The following DLGAP2 variants were observed in gnomAD, a reference collection of about 807,000 sequenced individuals.
The protein encoded by DLGAP2 is disks large-associated protein 2.
Under a neutral mutation model 100.3 loss-of-function variants are expected in DLGAP2, and 26 were observed. The observed-to-expected ratio is 0.26, with a 90% CI of 0.19 to 0.36. The LOEUF (loss-of-function observed/expected upper bound fraction) is 0.36, where lower values mean the gene tolerates loss of function less well. DLGAP2 is among the 10% of genes least tolerant of loss of function. The pLI is 1.00. For synonymous variants in DLGAP2, 886 were observed against 630.1 expected (o/e 1.41, Z -6.08); for missense variants, 1,858 against 1,453.2 (o/e 1.28, Z -4.53).
intron 3 of DLGAP2, among the ~76,000 whole-genome samples, chr8:1,407,376 G>C (rs569949307): frequency 6.0e-5 from 6 of 99,420 alleles, no homozygotes; most frequent in Admixed American, 2.0e-4. Flanking sequence ...CTCCCTCCTT[G>C]TCCTCCGGAG....
chr8:834,279 G>A (rs751052538), intron 1 of DLGAP2, among the ~76,000 whole-genome samples: 1 of 152,210 alleles, frequency 6.6e-6, no homozygotes, highest in Non-Finnish European at 1.5e-5. Flanking sequence ...GGCAGAGCCA[G>A]TCCTGTATGC....
chr8:1,539,198 T>C (rs945057747), intron 4 of DLGAP2, among the ~76,000 whole-genome samples: 1 of 152,158 alleles, frequency 6.6e-6, no homozygotes, highest in Non-Finnish European at 1.5e-5. Context: ...TCACTCATCT[T>C]TTTTCGTTTG....
intron 3 of DLGAP2, among the ~76,000 whole-genome samples, chr8:1,493,299 G>T (rs938654748): frequency 2.0e-5 from 3 of 152,064 alleles, no homozygotes; most frequent in South Asian, 2.1e-4. Flanking sequence ...GGAGGGCACA[G>T]ACGGCTGCCT....
intron 1 of DLGAP2, among the ~76,000 whole-genome samples, chr8:836,095 G>A (rs569328426): frequency 1.3e-5 from 2 of 152,190 alleles, no homozygotes; most frequent in African/African-American, 4.8e-5. Flanking sequence ...CACAGCGGCG[G>A]CGCAACAGCT....
chr8:824,523 G>C (rs1016696084), intron 1 of DLGAP2, among the ~76,000 whole-genome samples: 1 of 152,136 alleles, frequency 6.6e-6, no homozygotes, highest in Non-Finnish European at 1.5e-5. Flanking sequence ...CAGCTTTTAT[G>C]GTTTGAGGAC....
At chr8:1,597,173 G>A (rs928623896) in intron 6 of DLGAP2, among the ~76,000 whole-genome samples, 4 of 152,128 alleles carry the variant, frequency 2.6e-5, no homozygotes, top group Admixed American at 6.5e-5. Context: ...TCAGATGGTC[G>A]TAGATGTGTG....
intron 8 of DLGAP2, among the ~76,000 whole-genome samples, chr8:1,662,300 A>G (rs1798426006): frequency 6.6e-6 from 1 of 152,222 alleles, no homozygotes; most frequent in African/African-American, 2.4e-5. Flanking sequence ...GTCCCTTTAA[A>G]CAGTTTGGGT....
intron 2 of DLGAP2, among the ~76,000 whole-genome samples, chr8:1,117,328 G>A (rs555808195): frequency 1.3e-5 from 2 of 152,310 alleles, no homozygotes; most frequent in South Asian, 4.1e-4. Flanking sequence ...CACTGGGGAC[G>A]CCACGCTGGG....
intron 2 of DLGAP2, among the ~76,000 whole-genome samples, chr8:1,067,675 T>C (rs1803300259): frequency 6.6e-6 from 1 of 150,930 alleles, no homozygotes; most frequent in African/African-American, 2.4e-5. Flanking sequence ...CAGTTTTAGG[T>C]ACCCAGCAAA....
At position 1,386,677 on chromosome 8, in the gene DLGAP2, G is replaced by A. The variant is rs981601668; in HGVS notation, c.107-114689G>A. 3.9e-5 allele frequency among the ~76,000 whole-genome samples: 6 copies of A among 152,136 alleles called. 1 individual carries two copies. In the South Asian group the frequency reaches 8.3e-4, roughly 21 times the overall value. ...AAGAAACCTGGACAGAGGAAGGTGCGGGGATCCAGGAACCAGGGATTCAGC... is the reference window on the plus strand; with the variant it reads ...AAGAAACCTGGACAGAGGAAGGTGCAGGGATCCAGGAACCAGGGATTCAGC... On this transcript the variant is annotated intron_variant, in intron 3 of 14. Coordinates refer to ENST00000637795, the MANE Select transcript of DLGAP2 (RefSeq NM_001346810.2).
At position 855,364 on chromosome 8, in the gene DLGAP2, C is replaced by G. The variant is rs749033227; in HGVS notation, c.19-52548C>G. Among the ~76,000 whole-genome samples the G allele has an allele frequency of 2.6e-5, 4 of 152,166 alleles. No individual in the cohort carries two copies. The South Asian group carries it at 8.3e-4, about 32-fold the overall frequency. On this transcript the variant is annotated intron_variant, in intron 1 of 14. Transcript: ENST00000637795. ...TCAGGAGCGTTCTCTGTGCTCCCCA[C>G]TCAACACTGGGACCAAAGCTGAGTG...
chr8:1,454,548 T>A (rs1476417920), intron 3 of DLGAP2, among the ~76,000 whole-genome samples: 1 of 152,124 alleles, frequency 6.6e-6, no homozygotes, highest in Non-Finnish European at 1.5e-5. Context: ...CTGGGTGGGT[T>A]GAAATCGACC....
intron 3 of DLGAP2, among the ~76,000 whole-genome samples, chr8:1,343,095 G>C (rs1055039181): frequency 7.2e-5 from 11 of 152,224 alleles, no homozygotes; most frequent in Admixed American, 7.2e-4. Context: ...CCAGTCCTTA[G>C]TAGATGGTGC....
chr8:934,324 C>G (rs1377677697), intron 2 of DLGAP2, among the ~76,000 whole-genome samples: 1 of 136,148 alleles, frequency 7.3e-6, no homozygotes, highest in Non-Finnish European at 1.6e-5. Context: ...GAGGGCAGAG[C>G]CTGCTGTGGA....
chr8:1,695,320 G>A (rs1302583672), intron 13 of DLGAP2, among the ~76,000 whole-genome samples: 5 of 145,828 alleles, frequency 3.4e-5, no homozygotes, highest in Admixed American at 2.0e-4. Flanking sequence ...TACAGAAAGG[G>A]GGCACAGCCA....
intron 6 of DLGAP2, chr8:1,621,101 A>G (rs1305329435): frequency 1.3e-5 from 2 of 152,252 alleles, no homozygotes; most frequent in African/African-American, 4.8e-5. Context: ...ATCTTGCAGA[A>G]GGCCTTTCTT....
intron 2 of DLGAP2, among the ~76,000 whole-genome samples, chr8:1,061,460 T>C (rs1296993069): frequency 6.6e-6 from 1 of 152,088 alleles, no homozygotes; most frequent in Non-Finnish European, 1.5e-5. Flanking sequence ...TTTACAGTTA[T>C]AACTCTGCAG....
chr8:1,215,858 G>T (rs1482173224), intron 2 of DLGAP2, among the ~76,000 whole-genome samples: 1 of 142,440 alleles, frequency 7.0e-6, no homozygotes, highest in East Asian at 2.1e-4. Flanking sequence ...GTTCATTTGG[G>T]TGCATCACCT....
At chr8:1,195,496 C>A (rs970079433) in intron 2 of DLGAP2, among the ~76,000 whole-genome samples, 1 of 152,202 alleles carries the variant, frequency 6.6e-6, no homozygotes, top group African/African-American at 2.4e-5. Context: ...ACTGAGAAAA[C>A]AATTGTTTCC....
Sources: allele counts gnomAD v4.1 joint callset (sites outside exome capture counted in the v4.1 genomes callset), GRCh38; gene constraint gnomAD v4.1.1; transcripts MANE v1.5; gene names NCBI Gene and HGNC (gene_info 2026-07-23, HGNC 2026-07-21).